SLC7A2: variants seen among roughly 807,000 people sequenced by gnomAD.
The protein encoded by SLC7A2 is cationic amino acid transporter 2.
In SLC7A2, 48 loss-of-function variants were observed where a neutral mutation model predicts 58.9. That is an observed-to-expected ratio of 0.82 (90% CI 0.65 to 1.04). SLC7A2 has a LOEUF of 1.04. Ranked by LOEUF, SLC7A2 falls within the 50% of genes least tolerant of loss-of-function variation. The pLI, the probability that SLC7A2 is intolerant of heterozygous loss-of-function variation, is 0.00. For synonymous variants in SLC7A2, 363 were observed against 314.5 expected, an observed-to-expected ratio of 1.15 and a Z score of -1.63; for missense variants, 1,029 against 818.8, an observed-to-expected ratio of 1.26 and a Z score of -3.13.
chr8:17,557,752 AG>A (rs1242994883), intron 8 of SLC7A2, among the ~76,000 whole-genome samples: 3 of 152,192 alleles, frequency 2.0e-5, no homozygotes, highest in Non-Finnish European at 4.4e-5. Flanking sequence ...CGCTTGGACC[AG>A]GGGGGTGGAG....
intron 2 of SLC7A2, among the ~76,000 whole-genome samples, chr8:17,507,330 T>C (rs1800410147): frequency 6.6e-6 from 1 of 152,068 alleles, no homozygotes; most frequent in South Asian, 2.1e-4. Flanking sequence ...TATTATATAA[T>C]TTTAAAAAGC....
chr8:17,496,095 C>T (rs934027654), upstream of SLC7A2, among the ~76,000 whole-genome samples: 3 of 152,116 alleles, frequency 2.0e-5, no homozygotes, highest in Non-Finnish European at 2.9e-5. Flanking sequence ...ACGTTTACTC[C>T]AATACTATGC....
intron 2 of SLC7A2, among the ~76,000 whole-genome samples, chr8:17,532,697 G>C (rs539260082): frequency 6.6e-6 from 1 of 152,216 alleles, no homozygotes; most frequent in Non-Finnish European, 1.5e-5. Context: ...ATAGAAATGT[G>C]ACAAGCACAT....
chr8:17,538,957 T>G, intron 2 of SLC7A2: 1 of 1,589,204 alleles, frequency 6.3e-7, no homozygotes. Flanking sequence ...GATACTGATA[T>G]AGAAGATTAA....
intron 8 of SLC7A2, among the ~76,000 whole-genome samples, chr8:17,556,679 G>T (rs746883485): frequency 9.2e-5 from 14 of 151,912 alleles, no homozygotes; most frequent in Non-Finnish European, 7.4e-5. Context: ...CACGATCTTG[G>T]CTCGTTGCAA....
chr8:17,555,090 T>C (rs1237777650), intron 8 of SLC7A2: 14 of 1,613,068 alleles, frequency 8.7e-6, no homozygotes, highest in Non-Finnish European at 1.2e-5. Flanking sequence ...CTGGTAAGCT[T>C]TACAAACTTA....
At chr8:17,535,451 G>C (rs1801624294) in intron 2 of SLC7A2, among the ~76,000 whole-genome samples, 2 of 152,156 alleles carry the variant, frequency 1.3e-5, no homozygotes. Flanking sequence ...CACAAGTATA[G>C]CTGTCTCATA....
At chr8:17,512,434 C>G (rs975109742) in intron 2 of SLC7A2, among the ~76,000 whole-genome samples, 8 of 152,108 alleles carry the variant, frequency 5.3e-5, no homozygotes, top group African/African-American at 1.9e-4. Context: ...GTAATGCCAG[C>G]TACTTGGGAG....
At chr8:17,553,692 C>G (rs932324475) in intron 7 of SLC7A2, among the ~76,000 whole-genome samples, 1 of 152,132 alleles carries the variant, frequency 6.6e-6, no homozygotes, top group African/African-American at 2.4e-5. Context: ...GTGGGAGGAT[C>G]GCTTGAGCCC....
At chr8:17,564,882 C>G (rs781412375) in intron 12 of SLC7A2, 68 bp from the exon 13 acceptor site, 12 of 1,288,498 alleles carry the variant, frequency 9.3e-6, no homozygotes, top group Non-Finnish European at 1.2e-5. Context: ...CATTTTCCAC[C>G]TCAATAACTT....
chr8:17,513,585 A>G (rs1800688515), intron 2 of SLC7A2, among the ~76,000 whole-genome samples: 1 of 152,200 alleles, frequency 6.6e-6, no homozygotes, highest in African/African-American at 2.4e-5. Context: ...CTTTATCTTT[A>G]TCACTGTTGT....
chr8:17,539,294 G>T (rs1244950852), intron 2 of SLC7A2, among the ~76,000 whole-genome samples: 10 of 152,110 alleles, frequency 6.6e-5, no homozygotes, highest in Admixed American at 4.6e-4. Flanking sequence ...AAGGAATAAG[G>T]TGCGTAGAAA....
At chr8:17,511,428 C>G (rs1268873463) in intron 2 of SLC7A2, 2 of 152,116 alleles carry the variant, frequency 1.3e-5, no homozygotes, top group East Asian at 3.9e-4. Context: ...CTTTCTCAGT[C>G]GTTGGTTGTG....
intron 2 of SLC7A2, among the ~76,000 whole-genome samples, chr8:17,533,824 G>A (rs74809253): frequency 8.6e-5 from 13 of 152,026 alleles, no homozygotes; most frequent in Non-Finnish European, 1.6e-4. Flanking sequence ...AGGTAAACTC[G>A]TGCCATGGTG....
chr8:17,517,680 C>T (rs1800856163), intron 2 of SLC7A2, among the ~76,000 whole-genome samples: 3 of 151,896 alleles, frequency 2.0e-5, no homozygotes, highest in African/African-American at 7.3e-5. Context: ...ATTACATTTT[C>T]AGTTTTAAGG....
At chr8:17,544,364 C>G (rs985448922) in intron 3 of SLC7A2, 87 bp from the exon 4 acceptor site, 6 of 1,137,242 alleles carry the variant, frequency 5.3e-6, no homozygotes, top group Admixed American at 4.3e-5. Flanking sequence ...CTTTTGTGAA[C>G]TCATGTTTAT....
At position 17,534,255 on chromosome 8, in the gene SLC7A2, T is replaced by C. The variant is rs552956939; in HGVS notation, c.-22-9063T>C. Among the ~76,000 whole-genome samples the C allele has an allele frequency of 2.0e-5, 3 of 152,332 alleles. No homozygotes were observed. The South Asian group carries it at 6.2e-4, about 32-fold the overall frequency. The stretch of plus-strand genomic sequence containing the variant: ...CTTGGCATCCTTGAGTTAGCTCTAA[T>C]TTATGTGGACAGTGGATTCAAAGTG... On this transcript the variant is annotated intron_variant, in intron 2 of 12. Coordinates refer to ENST00000494857, the MANE Select transcript of SLC7A2 (RefSeq NM_001370338.1).
intron 2 of SLC7A2, among the ~76,000 whole-genome samples, chr8:17,513,877 CA>C (rs1451488350): frequency 6.6e-6 from 1 of 152,054 alleles, no homozygotes; most frequent in Non-Finnish European, 1.5e-5. Flanking sequence ...CACATATTGC[CA>C]AAAACCTGTC....
chr8:17,566,099 T>C lies in SLC7A2; in HGVS notation c.*953T>C, dbSNP rs1346171321. 6.6e-6 allele frequency: 1 copy of C among 152,214 alleles called. No homozygotes were observed. Among genetic ancestry groups the C allele is most frequent in the African/African-American group, 2.4e-5 (1 of 41,448 alleles). The allele number at this position is 152,214 out of a possible 1,614,324, so 9.4% of individuals were successfully genotyped here. A position where few individuals can be genotyped will look rare whatever the true frequency, so the allele number is the denominator to read the frequency against. ...AATAAGTAGACCCCAAGCATCCTTT[T>C]CTAAAAAGTGACTTAAAATAAGCCA... On this transcript the variant is annotated 3_prime_UTR_variant, in exon 13 of 13. Transcript: ENST00000494857.
Sources: allele counts gnomAD v4.1 joint callset (sites outside exome capture counted in the v4.1 genomes callset), GRCh38; gene constraint gnomAD v4.1.1; transcripts MANE v1.5; gene names NCBI Gene and HGNC (gene_info 2026-07-23, HGNC 2026-07-21).